SLC26A2: variants seen among roughly 807,000 people sequenced by gnomAD.
The protein encoded by SLC26A2 is sulfate transporter.
Under a neutral mutation model 41.1 loss-of-function variants are expected in SLC26A2, and 36 were observed. The observed-to-expected ratio is 0.88, with a 90% confidence interval of 0.67 to 1.16. The LOEUF (loss-of-function observed/expected upper bound fraction) is 1.16, where lower values mean the gene tolerates loss of function less well. Among genes scored for constraint, SLC26A2 ranks in the 50% most tolerant of loss-of-function variants. The pLI, the probability that SLC26A2 is intolerant of heterozygous loss-of-function variation, is 0.00. For synonymous variants in SLC26A2, 291 were observed against 311.6 expected, an observed-to-expected ratio of 0.93 and a Z score of 0.70; for missense variants, 796 against 869.6, an observed-to-expected ratio of 0.92 and a Z score of 1.07.
Position 149,980,730 on chromosome 5 carries a change from T to A in SLC26A2, c.1137T>A (p.Ile379=). Reference sequence around the variant, plus strand: ...CCAAAGTACCAGAATGGAACCTAATTCCTAGTGTGGCTGTAGATGCAATAG... The same window carrying A: ...CCAAAGTACCAGAATGGAACCTAATACCTAGTGTGGCTGTAGATGCAATAG... ...MPPKVPEWNL[I]PSVAVDAIAI... is the part of the protein sequence containing the mutation. Residue 379 remains isoleucine (I), a synonymous_variant, in exon 3 of 3, where the codon ATT becomes ATA. Transcript: ENST00000286298. 1 of 1,613,914 alleles carries A rather than the reference T, an allele frequency of 6.2e-7. No homozygotes were observed. Among genetic ancestry groups the A allele is most frequent in the East Asian group, 2.2e-5 (1 of 44,882 alleles).
In SLC26A2 at chr5:149,982,255, A is replaced by T. The variant is rs1272799356; in HGVS notation, c.*442A>T. 1.9e-5 allele frequency: 3 copies of T among 159,260 alleles called. No individual in the cohort carries two copies. Among genetic ancestry groups the T allele is most frequent in the African/African-American group, 7.2e-5 (3 of 41,496 alleles). 9.9% of individuals were successfully genotyped at this position (159,260 alleles called of 1,614,324 possible). A position where few individuals can be genotyped will look rare whatever the true frequency, so the allele number is the denominator to read the frequency against. ...AGAATGTTGCACCTGCTCTAGTACC[A>T]TAGGTCAAGAGGCTTCTGGATCACA... On this transcript the variant is annotated 3_prime_UTR_variant, in exon 3 of 3. Coordinates refer to ENST00000286298, the MANE Select transcript of SLC26A2 (RefSeq NM_000112.4).
chr5:149,976,776 T>A (rs1419357070), intron 1 of SLC26A2, among the ~76,000 whole-genome samples: 1 of 152,218 alleles, frequency 6.6e-6, no homozygotes, highest in Non-Finnish European at 1.5e-5. Context: ...CAAGTGGAAG[T>A]GCAGGGCAAC....
In SLC26A2 at chr5:149,981,503, T is replaced by C; in HGVS notation, c.1910T>C (p.Val637Ala). 2 of 1,614,130 alleles carry C rather than the reference T, an allele frequency of 1.2e-6. No homozygotes were observed. Among genetic ancestry groups the C allele is most frequent in the Non-Finnish European group, 1.7e-6 (2 of 1,179,992 alleles). Residue 637 changes from valine to alanine, a missense_variant, in exon 3 of 3, where the codon GTG becomes GCG. Physicochemically the swap from Val to Ala is moderately conservative, Grantham distance 64. Transcript: ENST00000286298. ...TLGGIQDEMS[V>A]QLSHDPLELH... is the part of the protein sequence containing the mutation. ...GGTGGAATCCAGGATGAAATGTCAG[T>C]GCAACTTTCCCATGATCCCTTGGAG...
intron 2 of SLC26A2, among the ~76,000 whole-genome samples, chr5:149,978,677 G>A: frequency 6.6e-6 from 1 of 151,326 alleles, no homozygotes; most frequent in East Asian, 1.9e-4. Context: ...GGAGTTGAGA[G>A]TGCAGGAGTT....
chr5:149,985,137 TTC>T lies in SLC26A2; in HGVS notation c.*3328_*3329del, dbSNP rs1383816412. 3.9e-5 allele frequency: 6 copies of T among 152,200 alleles called. No homozygotes were observed. Among genetic ancestry groups the T allele is most frequent in the African/African-American group, 1.4e-4 (6 of 41,434 alleles). The allele number at this position is 152,200 out of a possible 1,614,324, so 9.4% of individuals were successfully genotyped here. Reference sequence around the variant, plus strand: ...AGCAAGGTATCTTTCTAGAGCAAATTTCTCTTTCTAGAAGGGGAGGGTCACAG... The same window carrying T: ...AGCAAGGTATCTTTCTAGAGCAAATTTCTTTCTAGAAGGGGAGGGTCACAG... On this transcript the variant is annotated 3_prime_UTR_variant, in exon 3 of 3. Coordinates refer to ENST00000286298, the MANE Select transcript of SLC26A2 (RefSeq NM_000112.4).
chr5:149,965,398 T>G (rs1246055157), intron 1 of SLC26A2, among the ~76,000 whole-genome samples: 1 of 147,604 alleles, frequency 6.8e-6, no homozygotes, highest in Non-Finnish European at 1.5e-5. Flanking sequence ...GAGAATCGCT[T>G]GAACCTGGGA....
In SLC26A2 at chr5:149,986,644, ATC is replaced by A. The variant is rs1755205442; in HGVS notation, c.*4834_*4835del. On this transcript the variant is annotated 3_prime_UTR_variant, in exon 3 of 3. Transcript: ENST00000286298. ...GTGGATTCTCTGGTGTGTATTTTTT[ATC>A]TCAGTGTTGAAAATTGGAAAAGAAT... 4 of 151,930 alleles carry A rather than the reference ATC, an allele frequency of 2.6e-5. No homozygotes were observed. Among genetic ancestry groups the A allele is most frequent in the Non-Finnish European group, 5.9e-5 (4 of 68,030 alleles). 9.4% of individuals were successfully genotyped at this position (151,930 alleles called of 1,614,324 possible).
intron 1 of SLC26A2, among the ~76,000 whole-genome samples, chr5:149,965,252 G>T (rs1754786323): frequency 1.3e-5 from 2 of 152,182 alleles, no homozygotes; most frequent in African/African-American, 2.4e-5. Flanking sequence ...GGAGGCCGAG[G>T]CAGGCGGATC....
chr5:149,967,993 A>C (rs908244697), intron 1 of SLC26A2, among the ~76,000 whole-genome samples: 1 of 145,892 alleles, frequency 6.9e-6, no homozygotes, highest in Non-Finnish European at 1.5e-5. Flanking sequence ...TTTTTTTTAG[A>C]TCCAGCTCTT....
Position 149,981,897 on chromosome 5 carries a change from T to C in SLC26A2, c.*84T>C, listed in dbSNP as rs1393778883. On this transcript the variant is annotated 3_prime_UTR_variant, in exon 3 of 3. Coordinates refer to ENST00000286298, the MANE Select transcript of SLC26A2 (RefSeq NM_000112.4). ...TTTCCCAGTTCCACAGTGGGAAATT[T>C]TGCACACTTGAAATTTTAACCAAGT... 8 of 1,069,154 alleles carry C rather than the reference T, an allele frequency of 7.5e-6. No individual in the cohort carries two copies. Among genetic ancestry groups the C allele is most frequent in the East Asian group, 2.4e-5 (1 of 41,884 alleles). 66.2% of individuals were successfully genotyped at this position (1,069,154 alleles called of 1,614,324 possible).
chr5:149,978,559 A>G (rs1755038248), intron 2 of SLC26A2, among the ~76,000 whole-genome samples: 1 of 152,204 alleles, frequency 6.6e-6, no homozygotes, highest in South Asian at 2.1e-4. Flanking sequence ...ACCACCCAGT[A>G]CAACTCCTTA....
Position 149,984,057 on chromosome 5 carries a change from G to A in SLC26A2, c.*2244G>A, listed in dbSNP as rs1291641913. On this transcript the variant is annotated 3_prime_UTR_variant, in exon 3 of 3. Transcript: ENST00000286298. ...AAAGATTCTGGAAAATCCCTCAGAA[G>A]GAGGGATAACAGGATTTGACCTTTA... The A allele has an allele frequency of 6.6e-6, 1 of 152,216 alleles. No individual in the cohort carries two copies. The allele number at this position is 152,216 out of a possible 1,614,324, so 9.4% of individuals were successfully genotyped here.
chr5:149,961,130 G>C (rs1176679005), intron 1 of SLC26A2, among the ~76,000 whole-genome samples, 151 bp downstream of exon 1: 1 of 152,246 alleles, frequency 6.6e-6, no homozygotes, highest in East Asian at 1.9e-4. Context: ...GCGTGCGTCA[G>C]GTTATTTCCC....
At position 149,980,439 on chromosome 5, in the gene SLC26A2, T is replaced by G; in HGVS notation, c.846T>G (p.Gly282=). ...LLGLNLPRTN[G]VGSLITTWIH... ...GGCTCAACCTTCCTCGGACTAATGG[T>G]GTGGGCTCACTCATCACTACCTGGA... The change falls in exon 3 of 3, where the codon GGT becomes GGG. Residue 282 remains glycine, a synonymous_variant. Coordinates refer to ENST00000286298, the MANE Select transcript of SLC26A2 (RefSeq NM_000112.4). The G allele has an allele frequency of 6.2e-7, 1 of 1,614,074 alleles. No individual in the cohort carries two copies. Among genetic ancestry groups the G allele is most frequent in the African/African-American group, 1.3e-5 (1 of 75,004 alleles).
At chr5:149,972,955 C>T (rs1754930313) in intron 1 of SLC26A2, among the ~76,000 whole-genome samples, 1 of 151,624 alleles carries the variant, frequency 6.6e-6, no homozygotes, top group Non-Finnish European at 1.5e-5. Context: ...AGTGGTTACT[C>T]TTAGGTTTAA....
intron 1 of SLC26A2, among the ~76,000 whole-genome samples, chr5:149,975,175 G>T (rs1754972004): frequency 6.6e-6 from 1 of 151,974 alleles, no homozygotes; most frequent in African/African-American, 2.4e-5. Context: ...AAACTTTTCT[G>T]CGTTTTAGTT....
Position 149,981,882 on chromosome 5 carries a change from C to T in SLC26A2, c.*69C>T. 8.0e-7 allele frequency: 1 copy of T among 1,247,830 alleles called. No individual in the cohort carries two copies. Among genetic ancestry groups the T allele is most frequent in the Non-Finnish European group, 1.1e-6 (1 of 871,748 alleles). 77.3% of individuals were successfully genotyped at this position (1,247,830 alleles called of 1,614,324 possible). A position where few individuals can be genotyped will look rare whatever the true frequency, so the allele number is the denominator to read the frequency against. On this transcript the variant is annotated 3_prime_UTR_variant, in exon 3 of 3. Coordinates refer to ENST00000286298, the MANE Select transcript of SLC26A2 (RefSeq NM_000112.4). ...TTCAAGTGTCCAACATTTCCCAGTT[C>T]CACAGTGGGAAATTTTGCACACTTG...
At chr5:149,967,590 G>A (rs762344721) in intron 1 of SLC26A2, among the ~76,000 whole-genome samples, 3 of 152,124 alleles carry the variant, frequency 2.0e-5, no homozygotes, top group African/African-American at 7.2e-5. Context: ...AGTGTACAAT[G>A]CAGTGGCATG....
At chr5:149,967,659 G>T (rs1258498708) in intron 1 of SLC26A2, among the ~76,000 whole-genome samples, 1 of 152,090 alleles carries the variant, frequency 6.6e-6, no homozygotes, top group African/African-American at 2.4e-5. Context: ...ACTTGAAATG[G>T]AAACTCTGTA....
Sources: gnomAD v4.1 joint callset for allele counts (sites outside exome capture counted in the v4.1 genomes callset) on GRCh38, gnomAD v4.1.1 for gene constraint, MANE v1.5 for transcripts, NCBI Gene and HGNC (gene_info 2026-07-23, HGNC 2026-07-21) for gene names.